COP1: variants seen among roughly 807,000 people sequenced by gnomAD.
COP1 encodes the protein E3 ubiquitin-protein ligase COP1.
Under a neutral mutation model 101.3 loss-of-function variants are expected in COP1, and 24 were observed. The ratio of observed to expected loss-of-function variants is 0.24; its 90% CI spans 0.17 to 0.33. The LOEUF (loss-of-function observed/expected upper bound fraction) is 0.33, where lower values mean the gene tolerates loss of function less well. Ranked by LOEUF, COP1 falls within the 10% of genes least tolerant of loss-of-function variation. COP1 has a pLI of 1.00. For missense variants in COP1, 663 were observed against 906.2 expected (o/e 0.73, Z 3.45); for synonymous variants, 347 against 341.9 (o/e 1.01, Z -0.17).
chr1:176,199,618 C>G (rs1026481856), intron 1 of COP1, among the ~76,000 whole-genome samples: 14 of 152,124 alleles, frequency 9.2e-5, no homozygotes, highest in African/African-American at 3.4e-4. Context: ...ACAGTACACT[C>G]AACATCATCA....
intron 8 of COP1, among the ~76,000 whole-genome samples, chr1:176,127,561 C>CTGTGTGTGTGTGTGTGTG (rs71129555): frequency 7.4e-5 from 11 of 148,264 alleles, no homozygotes; most frequent in Admixed American, 5.4e-4. Flanking sequence ...TAGTATTCTA[C>CTGTGTGTGTGTGTGTGTG]TGTGTGTGTG....
intron 8 of COP1, among the ~76,000 whole-genome samples, 155 bp from the exon 9 acceptor site, chr1:176,116,836 C>A (rs1686267998): frequency 6.6e-6 from 1 of 152,078 alleles, no homozygotes; most frequent in Non-Finnish European, 1.5e-5. Context: ...AAATAGACAA[C>A]CCATAAAATA....
chr1:176,074,053 A>G (rs966535231), intron 11 of COP1, among the ~76,000 whole-genome samples: 8 of 152,046 alleles, frequency 5.3e-5, no homozygotes, highest in Non-Finnish European at 1.0e-4. Flanking sequence ...CAGCATCCCA[A>G]GTAGCTGGGA....
At chr1:176,189,918 A>G (rs916111664) in intron 1 of COP1, among the ~76,000 whole-genome samples, 31 of 152,142 alleles carry the variant, frequency 2.0e-4, no homozygotes, top group African/African-American at 7.2e-4. Flanking sequence ...TGTTCTGAAG[A>G]AAGAATTATT....
intron 3 of COP1, 51 bp downstream of exon 3, chr1:176,175,859 A>T (rs751683472): frequency 1.8e-6 from 2 of 1,082,154 alleles, no homozygotes; most frequent in Admixed American, 1.9e-5. Flanking sequence ...GCTAGCACAC[A>T]ATTTTGGGGA....
At chr1:176,033,250 T>TA (rs926989738) in intron 14 of COP1, among the ~76,000 whole-genome samples, 48 of 151,832 alleles carry the variant, frequency 3.2e-4, no homozygotes, top group South Asian at 8.3e-4. Flanking sequence ...CATCTCTATT[T>TA]AAAAAAATAC....
At chr1:175,998,167 T>C (rs1392173065) in intron 15 of COP1, among the ~76,000 whole-genome samples, 8 of 148,942 alleles carry the variant, frequency 5.4e-5, no homozygotes, top group Admixed American at 4.7e-4. Flanking sequence ...TGTAGGGACA[T>C]GGATGAAATT....
At chr1:176,183,895 A>G (rs1698107077) in intron 2 of COP1, among the ~76,000 whole-genome samples, 1 of 152,186 alleles carries the variant, frequency 6.6e-6, no homozygotes, top group Admixed American at 6.6e-5. Context: ...TTAAATTAAT[A>G]GAAACAGAAA....
At chr1:175,993,547 A>C (rs1659244265) in intron 15 of COP1, among the ~76,000 whole-genome samples, 4 of 152,328 alleles carry the variant, frequency 2.6e-5, no homozygotes, top group South Asian at 4.1e-4. Flanking sequence ...AGAAGTGCTT[A>C]AAGGAGCTGA....
At chr1:175,964,085 A>C (rs948938294) in intron 18 of COP1, among the ~76,000 whole-genome samples, 1 of 152,210 alleles carries the variant, frequency 6.6e-6, no homozygotes, top group Non-Finnish European at 1.5e-5. Flanking sequence ...AGAATATTAC[A>C]TGCAAGATAC....
rs140559719 is a variant in COP1 at position 176,075,771 on chromosome 1, G to A, written c.1277+5381C>T. On this transcript the variant is annotated intron_variant, in intron 11 of 19. Coordinates refer to ENST00000367669, the MANE Select transcript of COP1 (RefSeq NM_022457.7). The stretch of plus-strand genomic sequence containing the variant: ...TGTAATACCAGTAGTTTGGGAGGCC[G>A]AGGCAGGTGGATCAAGAGGTCAGGA... Among the ~76,000 whole-genome samples, 687 of 152,106 alleles carry A rather than the reference G, an allele frequency of 4.5e-3. 5 individuals carry two copies. The highest frequency in any genetic ancestry group is 0.015 in the African/African-American group (629 of 41,470).
rs183386290 is a variant in COP1 at position 176,000,317 on chromosome 1, G to A, written c.1730-10838C>T. 1.7e-3 allele frequency among the ~76,000 whole-genome samples: 255 copies of A among 152,048 alleles called. 1 individual carries two copies. The highest frequency in any genetic ancestry group is 5.9e-3 in the African/African-American group (245 of 41,528). ...GGTCTAGTTCCATTCTTCTGCAAACGGATATCCAGTTTTCCCACTGGCATT... is the reference window on the plus strand; with the variant it reads ...GGTCTAGTTCCATTCTTCTGCAAACAGATATCCAGTTTTCCCACTGGCATT... On this transcript the variant is annotated intron_variant, in intron 15 of 19. Coordinates refer to ENST00000367669, the MANE Select transcript of COP1 (RefSeq NM_022457.7).
intron 15 of COP1, among the ~76,000 whole-genome samples, chr1:176,005,030 G>T (rs1280875311): frequency 2.6e-5 from 4 of 152,222 alleles, no homozygotes; most frequent in Non-Finnish European, 5.9e-5. Flanking sequence ...CAATTTCAGA[G>T]CCTGTTATTG....
intron 8 of COP1, among the ~76,000 whole-genome samples, chr1:176,130,759 C>T (rs1688749210): frequency 6.6e-6 from 1 of 151,202 alleles, no homozygotes; most frequent in Non-Finnish European, 1.5e-5. Flanking sequence ...TATATAAATA[C>T]ATAAAAATGT....
At chr1:176,047,209 G>A (rs565152776) in intron 11 of COP1, among the ~76,000 whole-genome samples, 4 of 152,104 alleles carry the variant, frequency 2.6e-5, no homozygotes, top group African/African-American at 7.2e-5. Flanking sequence ...GAGGTTTAGC[G>A]ATAAGAATTC....
At chr1:176,072,251 T>C (rs545131763) in intron 11 of COP1, among the ~76,000 whole-genome samples, 4 of 152,324 alleles carry the variant, frequency 2.6e-5, no homozygotes, top group East Asian at 1.9e-4. Flanking sequence ...TATGTGGACA[T>C]ATATGGACAA....
intron 11 of COP1, among the ~76,000 whole-genome samples, chr1:176,080,418 G>C (rs532272870): frequency 6.6e-6 from 1 of 152,148 alleles, no homozygotes; most frequent in South Asian, 2.1e-4. Context: ...AAATAATTAA[G>C]AGCAAAGATT....
chr1:176,141,643 C>T (rs566360613), intron 6 of COP1, among the ~76,000 whole-genome samples: 2 of 152,258 alleles, frequency 1.3e-5, no homozygotes, highest in African/African-American at 4.8e-5. Context: ...TACTATCACT[C>T]CACAAACACT....
intron 15 of COP1, among the ~76,000 whole-genome samples, chr1:175,994,699 G>C (rs1280673338): frequency 6.6e-6 from 1 of 152,096 alleles, no homozygotes; most frequent in East Asian, 1.9e-4. Context: ...AGCTAACTAT[G>C]CTAAATATAT....
Sources: allele counts gnomAD v4.1 joint callset (sites outside exome capture counted in the v4.1 genomes callset), GRCh38; gene constraint gnomAD v4.1.1; transcripts MANE v1.5; gene names NCBI Gene and HGNC (gene_info 2026-07-23, HGNC 2026-07-21).